CELF2: variants seen among roughly 807,000 people sequenced by gnomAD.
CELF2 encodes CUGBP Elav-like family member 2.
A neutral mutation model predicts 62.6 loss-of-function variants in CELF2; 8 were observed. That is an observed-to-expected ratio of 0.13 (90% CI 0.07 to 0.23). CELF2 has a LOEUF of 0.23. Ranked by LOEUF, CELF2 falls within the 10% of genes least tolerant of loss-of-function variation. The pLI, the probability that CELF2 is intolerant of heterozygous loss-of-function variation, is 1.00. For missense variants in CELF2, 333 were observed against 671.0 expected (o/e 0.50, Z 5.56); for synonymous variants, 258 against 250.0 (o/e 1.03, Z -0.30).
At chr10:10,549,810 A>G in the CELF2 span, among the ~76,000 whole-genome samples, 1 of 152,188 alleles carries the variant, frequency 6.6e-6, no homozygotes, top group Non-Finnish European at 1.5e-5. Context: ...TAAGACTTCA[A>G]CGTATGAATT....
intron 1 of CELF2, among the ~76,000 whole-genome samples, chr10:10,907,906 A>G (rs1485847922): frequency 6.6e-6 from 1 of 152,222 alleles, no homozygotes; most frequent in Non-Finnish European, 1.5e-5. Flanking sequence ...AGCAACCTGG[A>G]AAATTTGAAG....
At chr10:10,465,788 G>A in the CELF2 span, among the ~76,000 whole-genome samples, 2 of 152,082 alleles carry the variant, frequency 1.3e-5, no homozygotes, top group Non-Finnish European at 2.9e-5. Context: ...GTTATGGCGG[G>A]CTTGTCCACC....
intron 4 of CELF2, among the ~76,000 whole-genome samples, chr10:11,250,088 C>T (rs904899131): frequency 3.9e-5 from 6 of 152,214 alleles, no homozygotes; most frequent in African/African-American, 1.4e-4. Context: ...CTAAATCTCT[C>T]CACAAGGTAT....
At chr10:10,661,454 A>C in the CELF2 span, among the ~76,000 whole-genome samples, 1 of 152,202 alleles carries the variant, frequency 6.6e-6, no homozygotes, top group Non-Finnish European at 1.5e-5. Context: ...GGCTTGTATG[A>C]ATAAAGGTGC....
At chr10:10,789,512 T>C in the CELF2 span, among the ~76,000 whole-genome samples, 2 of 152,184 alleles carry the variant, frequency 1.3e-5, no homozygotes, top group Non-Finnish European at 2.9e-5. Flanking sequence ...GTGTCAAATA[T>C]AACATTGTTT....
intron 1 of CELF2, among the ~76,000 whole-genome samples, chr10:11,029,055 C>T (rs148290860): frequency 2.0e-5 from 3 of 152,274 alleles, no homozygotes; most frequent in Admixed American, 6.5e-5. Context: ...GCAGAGAGGT[C>T]TGTAGACCTG....
rs1429584500 is a variant in CELF2, at chr10:11,314,079, G to A, written c.977-60G>A. On this transcript the variant is annotated intron_variant, in intron 9 of 12. Transcript: ENST00000633077. The surrounding 1 kb of genome is among the most constrained non-coding windows in gnomAD (Gnocchi z 5.3). ...TGAGATGATGACAGAAGGATTTCCA[G>A]TCTCGGCTCTCACTCACCTCGTGTC... is the stretch of plus-strand genomic sequence containing the variant. The A allele has an allele frequency of 1.8e-5, 28 of 1,521,498 alleles. No individual in the cohort carries two copies. Among genetic ancestry groups the A allele is most frequent in the Non-Finnish European group, 5.4e-6 (6 of 1,111,042 alleles). 94.2% of individuals were successfully genotyped at this position (1,521,498 alleles called of 1,614,324 possible). A position where few individuals can be genotyped will look rare whatever the true frequency, so the allele number is the denominator to read the frequency against.
At chr10:10,525,913 T>C in the CELF2 span, among the ~76,000 whole-genome samples, 2 of 152,262 alleles carry the variant, frequency 1.3e-5, no homozygotes, top group Admixed American at 1.3e-4. Flanking sequence ...CTGTTTTCCA[T>C]AATGGCTGTA....
chr10:11,074,396 T>C (rs1437691932), intron 1 of CELF2, among the ~76,000 whole-genome samples: 1 of 152,218 alleles, frequency 6.6e-6, no homozygotes, highest in Non-Finnish European at 1.5e-5. Context: ...CTAGGTCTAT[T>C]CTTAGAAAAT....
rs1274616555 is a variant in CELF2, at chr10:11,117,022, C to T, written c.75-48464C>T. ...CAGTTAAGTCATGTGCCCAGGATCA[C>T]ACAGCTGGTAATGGCAGAACTTTCA... On this transcript the variant is annotated intron_variant, in intron 1 of 12. Coordinates refer to ENST00000633077, the MANE Select transcript of CELF2 (RefSeq NM_001326342.2). The surrounding 1 kb of genome is among the most constrained non-coding windows in gnomAD (Gnocchi z 4.1). Among the ~76,000 whole-genome samples the T allele has an allele frequency of 2.0e-5, 3 of 152,194 alleles. No individual in the cohort carries two copies. The highest frequency in any genetic ancestry group is 7.2e-5 in the African/African-American group (3 of 41,434).
intron 3 of CELF2, among the ~76,000 whole-genome samples, chr10:11,248,297 G>A (rs994591003): frequency 2.0e-5 from 3 of 152,130 alleles, no homozygotes; most frequent in African/African-American, 7.2e-5. Context: ...GGGTGTGATG[G>A]GCACTTTAGG....
At chr10:10,726,162 G>A in the CELF2 span, among the ~76,000 whole-genome samples, 4 of 152,114 alleles carry the variant, frequency 2.6e-5, no homozygotes, top group African/African-American at 7.2e-5. Flanking sequence ...ACCTTCAGTC[G>A]GCTTCTTAGG....
rs768557580 is a variant in CELF2 at position 11,257,805 on chromosome 10, G to A, written c.471G>A (p.Val157=). The A allele has an allele frequency of 1.2e-6, 2 of 1,614,202 alleles. No individual in the cohort carries two copies. Among genetic ancestry groups the A allele is most frequent in the South Asian group, 2.2e-5 (2 of 91,086 alleles). Residue 157 remains valine (V), a synonymous_variant, in exon 5 of 13, where the codon GTG becomes GTA. Transcript: ENST00000633077. ...SKKCNENDIR[V]MFSPFGQIEE... is the part of the protein sequence containing the mutation. ...AATGTAATGAGAACGACATCAGGGTGATGTTCTCTCCATTTGGCCAGATAG... is the reference window on the plus strand; with the variant it reads ...AATGTAATGAGAACGACATCAGGGTAATGTTCTCTCCATTTGGCCAGATAG...
At chr10:10,694,488 G>C in the CELF2 span, among the ~76,000 whole-genome samples, 8 of 152,142 alleles carry the variant, frequency 5.3e-5, no homozygotes, top group African/African-American at 1.9e-4. Flanking sequence ...TGTATATTCT[G>C]TTGATTTGGG....
chr10:10,565,011 G>T, the CELF2 span, among the ~76,000 whole-genome samples: 3 of 152,330 alleles, frequency 2.0e-5, no homozygotes, highest in Middle Eastern at 6.8e-3. Flanking sequence ...CTCAGGGAAA[G>T]AAAAGTTTCC....
At position 11,132,608 on chromosome 10, in the gene CELF2, T is replaced by C. The variant is rs577123994; in HGVS notation, c.75-32878T>C. Among the ~76,000 whole-genome samples the C allele has an allele frequency of 8.5e-5, 13 of 152,274 alleles. No homozygotes were observed. The East Asian group carries it at 1.4e-3, about 16-fold the overall frequency. ...TTGTCTTTGTGTTAGAAATTTTCAA[T>C]TGCAGAAAGTTACAGCTCATTCAAG... On this transcript the variant is annotated intron_variant, in intron 1 of 12. Coordinates refer to ENST00000633077, the MANE Select transcript of CELF2 (RefSeq NM_001326342.2).
At chr10:10,554,384 T>G in the CELF2 span, among the ~76,000 whole-genome samples, 1 of 152,204 alleles carries the variant, frequency 6.6e-6, no homozygotes, top group Non-Finnish European at 1.5e-5. Flanking sequence ...CACTCTGATC[T>G]GATTGTGTCC....
chr10:11,201,890 T>C (rs192292249), intron 2 of CELF2, among the ~76,000 whole-genome samples: 1 of 152,268 alleles, frequency 6.6e-6, no homozygotes, highest in Admixed American at 6.5e-5. Flanking sequence ...TAGAAAGGTA[T>C]TTGGTACCTT....
chr10:11,071,411 G>T (rs2069944781), intron 1 of CELF2: 1 of 152,210 alleles, frequency 6.6e-6, no homozygotes, highest in Admixed American at 6.5e-5. Flanking sequence ...CTACTTCCCT[G>T]CCAGAGTCGA....
Sources: gnomAD v4.1 joint callset for allele counts (sites outside exome capture counted in the v4.1 genomes callset) on GRCh38, gnomAD v4.1.1 for gene constraint, Gnocchi (gnomAD v3.1) non-coding constraint, MANE v1.5 for transcripts, NCBI Gene and HGNC (gene_info 2026-07-23, HGNC 2026-07-21) for gene names.